MEIS2: variants seen among roughly 807,000 people sequenced by gnomAD.
MEIS2 encodes Meis homeobox 2, also known as homeobox protein Meis2.
MEIS2 carries 9 observed loss-of-function variants against 58.6 expected under a neutral mutation model. The observed-to-expected ratio is 0.15, with a 90% CI of 0.09 to 0.27. MEIS2 has a LOEUF of 0.27. Ranked by LOEUF, MEIS2 falls within the 10% of genes least tolerant of loss-of-function variation. MEIS2 has a pLI of 1.00. For synonymous variants in MEIS2, 221 were observed against 228.4 expected, an observed-to-expected ratio of 0.97 and a Z score of 0.29; for missense variants, 427 against 635.0, an observed-to-expected ratio of 0.67 and a Z score of 3.52.
chr15:36,914,745 G>A (rs988390378), intron 9 of MEIS2, among the ~76,000 whole-genome samples: 4 of 152,240 alleles, frequency 2.6e-5, no homozygotes, highest in Middle Eastern at 3.4e-3. Context: ...ACGTGACAGA[G>A]TCATAAGAAA....
At chr15:36,995,962 T>TGTATATATATATAC (rs2060480861) in intron 8 of MEIS2, among the ~76,000 whole-genome samples, 1 of 5,894 alleles carries the variant, frequency 1.7e-4, no homozygotes, top group East Asian at 4.2e-3. Flanking sequence ...CTGAGATATA[T>TGTATATATATATAC]ATATATATAT....
chr15:36,987,100 A>G (rs1427070996), intron 8 of MEIS2, among the ~76,000 whole-genome samples: 5 of 152,124 alleles, frequency 3.3e-5, no homozygotes, highest in Non-Finnish European at 7.3e-5. Context: ...TGTGTGGTAG[A>G]GAGTACACAC....
chr15:36,915,936 A>C (rs2057256501), intron 9 of MEIS2, among the ~76,000 whole-genome samples: 1 of 152,220 alleles, frequency 6.6e-6, no homozygotes, highest in South Asian at 2.1e-4. Context: ...ATGGTTGTCA[A>C]GCTCTATTGG....
chr15:36,977,502 A>T (rs1247964651), intron 8 of MEIS2, among the ~76,000 whole-genome samples: 2 of 152,234 alleles, frequency 1.3e-5, no homozygotes, highest in African/African-American at 4.8e-5. Context: ...GGGTGAGTCC[A>T]GGGATCATCA....
At chr15:37,012,806 C>T (rs2061209372) in intron 8 of MEIS2, among the ~76,000 whole-genome samples, 2 of 152,016 alleles carry the variant, frequency 1.3e-5, no homozygotes, top group Admixed American at 1.3e-4. Context: ...AAGTCATTGA[C>T]TATATTTTTC....
intron 9 of MEIS2, among the ~76,000 whole-genome samples, chr15:36,900,153 C>T (rs948022142): frequency 1.2e-4 from 18 of 152,142 alleles, no homozygotes; most frequent in Non-Finnish European, 2.6e-4. Flanking sequence ...GTTACAAAGT[C>T]TTCTTCAATA....
chr15:36,968,064 C>G (rs1466248006), intron 8 of MEIS2, among the ~76,000 whole-genome samples: 1 of 152,192 alleles, frequency 6.6e-6, no homozygotes, highest in Non-Finnish European at 1.5e-5. Flanking sequence ...CAGCCAGCCT[C>G]AGAGAATAGC....
intron 9 of MEIS2, among the ~76,000 whole-genome samples, chr15:36,941,733 G>T (rs1024592996): frequency 2.0e-5 from 3 of 152,148 alleles, no homozygotes; most frequent in Admixed American, 1.3e-4. Flanking sequence ...ACGGAAAAAG[G>T]ATTTCTCTAG....
chr15:36,961,330 C>A (rs960462001), intron 8 of MEIS2, among the ~76,000 whole-genome samples: 3 of 152,058 alleles, frequency 2.0e-5, no homozygotes, highest in African/African-American at 7.2e-5. Flanking sequence ...CTAATCTACA[C>A]CATAACCAAC....
chr15:37,061,347 G>A (rs975947444), intron 7 of MEIS2, among the ~76,000 whole-genome samples: 4 of 152,146 alleles, frequency 2.6e-5, no homozygotes, highest in African/African-American at 9.7e-5. Flanking sequence ...CATCGAGGCC[G>A]GCAGAAGTGT....
chr15:37,075,952 A>G (rs1891350825), intron 7 of MEIS2, among the ~76,000 whole-genome samples: 1 of 151,912 alleles, frequency 6.6e-6, no homozygotes, highest in South Asian at 2.1e-4. Flanking sequence ...TTATTGCTGT[A>G]TAGCAGGGAT....
intron 9 of MEIS2, among the ~76,000 whole-genome samples, chr15:36,939,346 C>A (rs1490551206): frequency 1.3e-5 from 2 of 152,304 alleles, no homozygotes; most frequent in South Asian, 2.1e-4. Context: ...CCAAAGCAAT[C>A]TGGCAATTAT....
intron 8 of MEIS2, among the ~76,000 whole-genome samples, chr15:36,977,436 A>T (rs1342856337): frequency 2.0e-5 from 3 of 152,198 alleles, no homozygotes; most frequent in South Asian, 2.1e-4. Flanking sequence ...ATAGTTTTTG[A>T]CATCAAAGAG....
At position 36,921,027 on chromosome 15, in the gene MEIS2, T is replaced by C. The variant is rs545093363; in HGVS notation, c.978-24341A>G. 5.8e-4 allele frequency among the ~76,000 whole-genome samples: 89 copies of C among 152,296 alleles called. 1 individual carries two copies. In the South Asian group the frequency reaches 0.014, roughly 23 times the overall value. The stretch of plus-strand genomic sequence containing the variant: ...CAAAAACAAAAAAAAACCTCTGTTG[T>C]TCATTTTTAACCTCGAAGAGCCAAA... On this transcript the variant is annotated intron_variant, in intron 9 of 11. Transcript: ENST00000561208.
At chr15:36,971,533 A>G (rs2059559173) in intron 8 of MEIS2, among the ~76,000 whole-genome samples, 1 of 111,660 alleles carries the variant, frequency 9.0e-6, no homozygotes, top group Non-Finnish European at 1.9e-5. Flanking sequence ...ATGCCTTGTT[A>G]CATTAAAAAA....
intron 7 of MEIS2, among the ~76,000 whole-genome samples, chr15:37,061,313 A>C (rs1026003610): frequency 1.3e-5 from 2 of 152,226 alleles, no homozygotes; most frequent in African/African-American, 4.8e-5. Context: ...GTGCTGCAAT[A>C]TACCAGGTGC....
intron 8 of MEIS2, among the ~76,000 whole-genome samples, chr15:37,002,393 TTTTC>T: frequency 6.6e-6 from 1 of 152,260 alleles, no homozygotes; most frequent in Non-Finnish European, 1.5e-5. Context: ...GTACCCATAG[TTTTC>T]TTTTGACACT....
At chr15:37,037,872 C>T (rs1197918952) in intron 7 of MEIS2, among the ~76,000 whole-genome samples, 1 of 152,114 alleles carries the variant, frequency 6.6e-6, no homozygotes, top group Non-Finnish European at 1.5e-5. Flanking sequence ...AATATTTGAA[C>T]TAATAACTTT....
At chr15:36,938,267 C>A (rs1431584568) in intron 9 of MEIS2, among the ~76,000 whole-genome samples, 1 of 149,934 alleles carries the variant, frequency 6.7e-6, no homozygotes, top group Non-Finnish European at 1.5e-5. Context: ...ACCTACCTTT[C>A]CCTCCCCTTG....
Sources: gnomAD v4.1 joint callset for allele counts (sites outside exome capture counted in the v4.1 genomes callset) on GRCh38, gnomAD v4.1.1 for gene constraint, MANE v1.5 for transcripts, NCBI Gene and HGNC (gene_info 2026-07-23, HGNC 2026-07-21) for gene names.